Variants in ALK observed in about 807,000 individuals in gnomAD.
The protein encoded by ALK is ALK tyrosine kinase receptor.
Under a neutral mutation model 163.1 loss-of-function variants are expected in ALK, and 74 were observed. The observed-to-expected ratio is 0.45, with a 90% CI of 0.38 to 0.55. The LOEUF (loss-of-function observed/expected upper bound fraction) is 0.55, where lower values mean the gene tolerates loss of function less well. Among genes scored for constraint, ALK ranks in the 20% least tolerant of loss-of-function variants. ALK has a pLI of 0.00. For synonymous variants in ALK, 960 were observed against 843.2 expected, an observed-to-expected ratio of 1.14 and a Z score of -2.40; for missense variants, 2,063 against 2,105.3, an observed-to-expected ratio of 0.98 and a Z score of 0.39.
intron 4 of ALK, among the ~76,000 whole-genome samples, chr2:29,404,345 C>T (rs77771752): frequency 0.078 from 11,735 of 150,930 alleles, 636 homozygotes; most frequent in Middle Eastern, 0.12. Flanking sequence ...ATCAAACTTG[C>T]CTAGTTTCCT....
intron 4 of ALK, among the ~76,000 whole-genome samples, chr2:29,476,853 G>C (rs1671537216): frequency 6.6e-6 from 1 of 152,214 alleles, no homozygotes; most frequent in African/African-American, 2.4e-5. Flanking sequence ...TTAGTTGTGA[G>C]ATGTATAGCT....
intron 1 of ALK, among the ~76,000 whole-genome samples, chr2:29,839,421 C>G (rs996823830): frequency 6.6e-6 from 1 of 152,086 alleles, no homozygotes; most frequent in African/African-American, 2.4e-5. Context: ...GGAAACAAAT[C>G]TCATCATCTT....
At chr2:29,706,706 C>G (rs1678921092) in intron 2 of ALK, among the ~76,000 whole-genome samples, 1 of 152,200 alleles carries the variant, frequency 6.6e-6, no homozygotes, top group African/African-American at 2.4e-5. Context: ...TCTTATTTCT[C>G]TTATCTGTGA....
chr2:29,594,897 G>C (rs1180722823), intron 3 of ALK, among the ~76,000 whole-genome samples: 21 of 91,352 alleles, frequency 2.3e-4, no homozygotes, highest in African/African-American at 9.0e-4. Flanking sequence ...ACAAAAATGG[G>C]GGGTGGGGGG....
At chr2:29,385,224 T>G (rs1003441688) in intron 4 of ALK, among the ~76,000 whole-genome samples, 8 of 151,954 alleles carry the variant, frequency 5.3e-5, no homozygotes, top group Non-Finnish European at 1.2e-4. Context: ...TTTAAATATT[T>G]CCACCCCCTA....
chr2:29,866,661 C>T (rs779642525), intron 1 of ALK, among the ~76,000 whole-genome samples: 1 of 152,126 alleles, frequency 6.6e-6, no homozygotes, highest in African/African-American at 2.4e-5. Flanking sequence ...CTGGCAGTGA[C>T]TGATGAGAAC....
intron 4 of ALK, among the ~76,000 whole-genome samples, chr2:29,477,907 G>A (rs1260162572): frequency 1.3e-5 from 2 of 152,186 alleles, no homozygotes; most frequent in Non-Finnish European, 2.9e-5. Flanking sequence ...TGCTGTGTAG[G>A]AGCCTATAGG....
intron 3 of ALK, among the ~76,000 whole-genome samples, chr2:29,631,940 A>G (rs926212550): frequency 6.6e-6 from 1 of 152,240 alleles, no homozygotes; most frequent in Admixed American, 6.5e-5. Context: ...CATCTCACAC[A>G]TGTATCATTC....
At position 29,755,972 on chromosome 2, in the gene ALK, T is replaced by C. The variant is rs115693250; in HGVS notation, c.668-38275A>G. Among the ~76,000 whole-genome samples, 864 of 152,340 alleles carry C rather than the reference T, an allele frequency of 5.7e-3. 8 individuals carry two copies. The highest frequency in any genetic ancestry group is 0.02 in the African/African-American group (827 of 41,582). On this transcript the variant is annotated intron_variant, in intron 1 of 28. Transcript: ENST00000389048. The stretch of plus-strand genomic sequence containing the variant: ...ATAAGTACATGCAAGGAGGCTGCCG[T>C]TGGCCCAGATGCACCTCAGTTGTGC...
intron 26 of ALK, among the ~76,000 whole-genome samples, chr2:29,202,455 C>CT (rs550151537): frequency 3.2e-4 from 49 of 152,362 alleles, no homozygotes; most frequent in African/African-American, 1.1e-3. Context: ...TTGTCTTATT[C>CT]TTGTCAGCTC....
intron 1 of ALK, among the ~76,000 whole-genome samples, chr2:29,770,210 G>A (rs934657256): frequency 3.9e-5 from 6 of 152,194 alleles, no homozygotes; most frequent in Admixed American, 6.5e-5. Flanking sequence ...CCAAAATGCC[G>A]AGATCTCCAA....
At chr2:29,336,140 G>A (rs1667606595) in intron 5 of ALK, among the ~76,000 whole-genome samples, 1 of 152,174 alleles carries the variant, frequency 6.6e-6, no homozygotes, top group Non-Finnish European at 1.5e-5. Context: ...TGGAGATCTT[G>A]GGCTGAGATG....
intron 1 of ALK, among the ~76,000 whole-genome samples, chr2:29,870,918 A>G (rs1666561014): frequency 6.6e-6 from 1 of 152,250 alleles, no homozygotes; most frequent in Non-Finnish European, 1.5e-5. Flanking sequence ...GATAAAGAGC[A>G]TTGCCCACAG....
chr2:29,826,715 A>T (rs1371011987), intron 1 of ALK, among the ~76,000 whole-genome samples: 3 of 152,228 alleles, frequency 2.0e-5, no homozygotes, highest in African/African-American at 7.2e-5. Context: ...TAATCAGAGC[A>T]ATAAATCAGA....
At chr2:29,318,131 C>T (rs1330002105) in intron 8 of ALK, among the ~76,000 whole-genome samples, 173 bp downstream of exon 8, 1 of 152,196 alleles carries the variant, frequency 6.6e-6, no homozygotes, top group East Asian at 1.9e-4. Flanking sequence ...GTAGATAGGG[C>T]TTTACCATGT....
chr2:29,916,649 C>T (rs1426806039), intron 1 of ALK, among the ~76,000 whole-genome samples: 1 of 152,166 alleles, frequency 6.6e-6, no homozygotes, highest in Non-Finnish European at 1.5e-5. Context: ...CAGGCCTCTC[C>T]ATAGTACATG....
chr2:29,498,527 G>T (rs1672089103), intron 4 of ALK, among the ~76,000 whole-genome samples: 1 of 152,154 alleles, frequency 6.6e-6, no homozygotes, highest in Non-Finnish European at 1.5e-5. Context: ...TGTCTTGAGG[G>T]TTGAAATCAG....
At chr2:29,327,975 G>C (rs11674474) in intron 6 of ALK, among the ~76,000 whole-genome samples, 11,268 of 152,212 alleles carry the variant, frequency 0.074, 511 homozygotes, top group Middle Eastern at 0.13. Flanking sequence ...GGGGTGCATG[G>C]AGGAGGGAGA....
At chr2:29,457,249 A>C (rs143099586) in intron 4 of ALK, among the ~76,000 whole-genome samples, 1 of 152,082 alleles carries the variant, frequency 6.6e-6, no homozygotes, top group Non-Finnish European at 1.5e-5. Flanking sequence ...CTGGAATCTT[A>C]CCCACCTGGC....
Sources: gnomAD v4.1 joint callset for allele counts (sites outside exome capture counted in the v4.1 genomes callset) on GRCh38, gnomAD v4.1.1 for gene constraint, MANE v1.5 for transcripts, NCBI Gene and HGNC (gene_info 2026-07-23, HGNC 2026-07-21) for gene names.